Variants in NUP214 observed in about 807,000 individuals in gnomAD.
NUP214 encodes nuclear pore complex protein Nup214.
Under a neutral mutation model 196.2 loss-of-function variants are expected in NUP214, and 79 were observed. The ratio of observed to expected loss-of-function variants is 0.40; its 90% confidence interval spans 0.34 to 0.49. The LOEUF (loss-of-function observed/expected upper bound fraction) is 0.49, where lower values mean the gene tolerates loss of function less well. NUP214 is among the 20% of genes least tolerant of loss of function. The probability of loss-of-function intolerance (pLI) is 0.58; values close to 1 mark genes in which losing one functional copy is unlikely to be tolerated. For missense variants in NUP214, 2,468 were observed against 2,539.0 expected (o/e 0.97, Z 0.60); for synonymous variants, 1,020 against 990.5 (o/e 1.03, Z -0.56).
intron 15 of NUP214, 95 bp from the exon 16 acceptor site, chr9:131,150,521 C>T: frequency 6.4e-7 from 1 of 1,565,754 alleles, no homozygotes. Context: ...GAAGCATGGC[C>T]CATCCCAGCA....
intron 10 of NUP214, among the ~76,000 whole-genome samples, chr9:131,140,137 T>C (rs1831862322): frequency 6.6e-6 from 1 of 152,224 alleles, no homozygotes; most frequent in African/African-American, 2.4e-5. Context: ...CATCTTTCTG[T>C]GTCCTACTGT....
chr9:131,231,934 A>T (rs1027497591), intron 34 of NUP214, among the ~76,000 whole-genome samples: 10 of 149,258 alleles, frequency 6.7e-5, no homozygotes, highest in Non-Finnish European at 1.5e-4. Flanking sequence ...AAAAAAAAAA[A>T]GGTTTTCCTA....
rs528695111 is a variant in NUP214, at chr9:131,187,383, CTTTTTTT to C, written c.3495+34_3495+40del. On this transcript the variant is annotated intron_variant, in intron 25 of 35. Coordinates refer to ENST00000359428, the MANE Select transcript of NUP214 (RefSeq NM_005085.4). The stretch of plus-strand genomic sequence containing the variant: ...CAAGCAGGTAACTTACTGATTTTTA[CTTTTTTT>C]TTTTTTTTTTTTTTGAGACAGAGTC... 49 of 1,056,464 alleles carry C rather than the reference CTTTTTTT, an allele frequency of 4.6e-5. No homozygotes were observed. The highest frequency in any genetic ancestry group is 9.3e-5 in the African/African-American group (5 of 53,794). The allele number at this position is 1,056,464 out of a possible 1,614,324, so 65.4% of individuals were successfully genotyped here.
chr9:131,222,124 A>C (rs1834576896), intron 31 of NUP214, among the ~76,000 whole-genome samples: 1 of 152,236 alleles, frequency 6.6e-6, no homozygotes, highest in Non-Finnish European at 1.5e-5. Context: ...CTTAGAGGAA[A>C]TCTGACTGGA....
intron 29 of NUP214, among the ~76,000 whole-genome samples, chr9:131,200,219 C>G (rs907404183): frequency 3.9e-5 from 6 of 152,362 alleles, no homozygotes; most frequent in Non-Finnish European, 8.8e-5. Context: ...TCTGAGCTGT[C>G]TACTTCAGCC....
intron 31 of NUP214, among the ~76,000 whole-genome samples, chr9:131,220,227 G>A (rs983777616): frequency 6.6e-6 from 1 of 152,004 alleles, no homozygotes; most frequent in Non-Finnish European, 1.5e-5. Context: ...AATATTGTTC[G>A]GTCCGCCAAG....
chr9:131,164,078 A>G lies in NUP214; in HGVS notation c.2827A>G (p.Lys943Glu). Reference protein sequence around the residue: ...PKVPAKLSPMKQAQLRNFLAK... With the variant: ...PKVPAKLSPMEQAQLRNFLAK... ...TCTTGCAGCCAAACTGTCCCCCATG[A>G]AACAGGCACAACTGAGAAACTTCTT... Residue 943 changes from lysine to glutamate, a missense_variant, in exon 21 of 36, where the codon AAA (lysine) becomes GAA (glutamate). Around this residue, in one of 5 missense-constraint regions of NUP214, gnomAD observed 1,801 missense variants for 1,779.4 expected, o/e 1.01. Coordinates refer to ENST00000359428, the MANE Select transcript of NUP214 (RefSeq NM_005085.4). 1 of 1,614,202 alleles carries G rather than the reference A, an allele frequency of 6.2e-7. No homozygotes were observed. Among genetic ancestry groups the G allele is most frequent in the Non-Finnish European group, 8.5e-7 (1 of 1,180,036 alleles).
chr9:131,219,574 T>C (rs1052111137), intron 31 of NUP214, among the ~76,000 whole-genome samples: 1 of 152,166 alleles, frequency 6.6e-6, no homozygotes, highest in African/African-American at 2.4e-5. Context: ...CTCTCTGTCA[T>C]CCCCATAGAA....
Position 131,133,115 on chromosome 9 carries a change from T to A in NUP214, c.737T>A (p.Val246Glu), listed in dbSNP as rs775470563. ...ESDHPVRVLD[V>E]LWIGTYVFAI... ...AAGATGTGTCTTTCAGTTCTGGATG[T>A]GCTGTGGATTGGTACCTACGTCTTC... Residue 246 changes from valine to glutamate, a missense_variant, in exon 7 of 36, where the codon GTG (valine) becomes GAG (glutamate). Around this residue, in one of 5 missense-constraint regions of NUP214, gnomAD observed 392 missense variants for 417.9 expected, o/e 0.94. Coordinates refer to ENST00000359428, the MANE Select transcript of NUP214 (RefSeq NM_005085.4). The A allele has an allele frequency of 8.7e-6, 14 of 1,611,488 alleles. No homozygotes were observed. Among genetic ancestry groups the A allele is most frequent in the Non-Finnish European group, 1.1e-5 (13 of 1,178,650 alleles).
chr9:131,142,499 T>G (rs1321912504), intron 11 of NUP214, among the ~76,000 whole-genome samples: 1 of 152,270 alleles, frequency 6.6e-6, no homozygotes, highest in Non-Finnish European at 1.5e-5. Context: ...GTTTCTACAC[T>G]GCAGTTCTAA....
intron 30 of NUP214, among the ~76,000 whole-genome samples, chr9:131,211,934 G>A (rs1834253149): frequency 6.6e-6 from 1 of 152,184 alleles, no homozygotes; most frequent in African/African-American, 2.4e-5. Flanking sequence ...GATAACCATT[G>A]GGCCTGACTG....
chr9:131,147,336 A>C (rs1242500760), intron 13 of NUP214, 154 bp from the exon 14 acceptor site: 1 of 622,874 alleles, frequency 1.6e-6, no homozygotes, highest in Admixed American at 3.0e-5. Flanking sequence ...AGAGGCTAGC[A>C]CAACTGGTGG....
At position 131,201,675 on chromosome 9, in the gene NUP214, G is replaced by A. The variant is rs772521651; in HGVS notation, c.5550G>A (p.Val1850=). Reference sequence around the variant, plus strand: ...TTGGGTCTAGTAATACTGGTTCTGTGTTTGGTCAAGCAGCCAGTACTGGTG... The same window carrying A: ...TTGGGTCTAGTAATACTGGTTCTGTATTTGGTCAAGCAGCCAGTACTGGTG... The part of the protein sequence containing the change: ...SGFGSSNTGS[V]FGQAASTGGI... The change falls in exon 30 of 36, where the codon GTG becomes GTA. Residue 1850 remains valine (V), a synonymous_variant. Coordinates refer to ENST00000359428, the MANE Select transcript of NUP214 (RefSeq NM_005085.4). 3.1e-6 allele frequency: 5 copies of A among 1,613,994 alleles called. No homozygotes were observed. Among genetic ancestry groups the A allele is most frequent in the Non-Finnish European group, 4.2e-6 (5 of 1,179,990 alleles).
rs530756890 is a variant in NUP214 at position 131,147,545 on chromosome 9, C to T, written c.2001C>T (p.Pro667=). 84 of 1,614,078 alleles carry T rather than the reference C, an allele frequency of 5.2e-5. No individual in the cohort carries two copies. In the East Asian group the frequency reaches 1.5e-3, roughly 29 times the overall value. The change falls in exon 14 of 36, where the codon CCC becomes CCT. Residue 667 remains proline, a synonymous_variant. Transcript: ENST00000359428. Reference sequence around the variant, plus strand: ...TGCCCTCAATGGTACAGAAATCACCCAGGATAACCCCTCCAGCGGCAAAGC... The same window carrying T: ...TGCCCTCAATGGTACAGAAATCACCTAGGATAACCCCTCCAGCGGCAAAGC... The part of the protein sequence containing the change: ...SPVPSMVQKS[P]RITPPAAKPG...
chr9:131,194,463 C>T (rs990966274), intron 27 of NUP214, among the ~76,000 whole-genome samples: 12 of 152,122 alleles, frequency 7.9e-5, no homozygotes, highest in African/African-American at 2.9e-4. Context: ...GTCTCAAACT[C>T]CTGGGCTCAA....
chr9:131,155,886 T>G (rs1244191317), intron 17 of NUP214, among the ~76,000 whole-genome samples: 1 of 152,198 alleles, frequency 6.6e-6, no homozygotes, highest in African/African-American at 2.4e-5. Context: ...ACTATAGGCT[T>G]GTAGTATAGT....
Position 131,132,671 on chromosome 9 carries a change from T to C in NUP214, c.727+12T>C. On this transcript the variant is annotated intron_variant, in intron 6 of 35. Coordinates refer to ENST00000359428, the MANE Select transcript of NUP214 (RefSeq NM_005085.4). ...TCATCCTGTCAGAGGTAACAACTGC[T>C]TTTCTTATTGGGCTGACCTCTAATG... The C allele has an allele frequency of 6.2e-7, 1 of 1,610,898 alleles. No homozygotes were observed. Among genetic ancestry groups the C allele is most frequent in the Non-Finnish European group, 8.5e-7 (1 of 1,177,036 alleles).
At chr9:131,206,075 A>G (rs1353643907) in intron 30 of NUP214, among the ~76,000 whole-genome samples, 1 of 151,178 alleles carries the variant, frequency 6.6e-6, no homozygotes, top group Non-Finnish European at 1.5e-5. Flanking sequence ...AACTAGAAGC[A>G]GCCCAAATGT....
chr9:131,174,502 G>A (rs983820065), intron 22 of NUP214, among the ~76,000 whole-genome samples, 184 bp downstream of exon 22: 14 of 126,834 alleles, frequency 1.1e-4, no homozygotes, highest in Admixed American at 3.9e-4. Context: ...AGGCTGGAGT[G>A]TAATGGCGCG....
Sources: allele counts gnomAD v4.1 joint callset (sites outside exome capture counted in the v4.1 genomes callset), GRCh38; gene constraint gnomAD v4.1.1; regional missense constraint gnomAD v4.1.1; transcripts MANE v1.5; gene names NCBI Gene and HGNC (gene_info 2026-07-23, HGNC 2026-07-21).